Variants in CATSPERE observed in about 807,000 individuals in gnomAD.
CATSPERE encodes catsper channel auxiliary subunit epsilon, also known as cation channel sperm-associated auxiliary subunit epsilon.
A neutral mutation model predicts 114.1 loss-of-function variants in CATSPERE; 93 were observed. That is an observed-to-expected ratio of 0.81 (90% CI 0.69 to 0.97). The LOEUF (loss-of-function observed/expected upper bound fraction) is 0.97, where lower values mean the gene tolerates loss of function less well. Ranked by LOEUF, CATSPERE falls within the 50% of genes least tolerant of loss-of-function variation. The pLI, the probability that CATSPERE is intolerant of heterozygous loss-of-function variation, is 0.00. For synonymous variants in CATSPERE, 341 were observed against 384.1 expected, an observed-to-expected ratio of 0.89 and a Z score of 1.31; for missense variants, 1,058 against 1,131.6, an observed-to-expected ratio of 0.93 and a Z score of 0.93.
At chr1:244,516,797 C>T (rs1676719121) in intron 7 of CATSPERE, among the ~76,000 whole-genome samples, 1 of 152,084 alleles carries the variant, frequency 6.6e-6, no homozygotes, top group East Asian at 1.9e-4. Flanking sequence ...GCTGGGATTA[C>T]AGGCATTGAG....
chr1:244,457,047 G>A (rs1342616071), upstream of CATSPERE, among the ~76,000 whole-genome samples: 1 of 152,158 alleles, frequency 6.6e-6, no homozygotes, highest in Non-Finnish European at 1.5e-5. Flanking sequence ...AAACAGTAAC[G>A]GAACAAAACT....
At chr1:244,592,041 A>T (rs148687022) in intron 15 of CATSPERE, among the ~76,000 whole-genome samples, 38 of 152,114 alleles carry the variant, frequency 2.5e-4, no homozygotes, top group African/African-American at 7.2e-4. Context: ...TCCTTACATA[A>T]TTTTTCTCAA....
intron 8 of CATSPERE, among the ~76,000 whole-genome samples, chr1:244,550,378 A>G (rs1558477402): frequency 6.6e-6 from 1 of 152,240 alleles, no homozygotes; most frequent in Non-Finnish European, 1.5e-5. Context: ...AAAGCCAAAA[A>G]ATTTCTGAAA....
chr1:244,550,250 A>G (rs1332784701), intron 8 of CATSPERE, among the ~76,000 whole-genome samples: 3 of 152,190 alleles, frequency 2.0e-5, no homozygotes, highest in African/African-American at 7.2e-5. Flanking sequence ...GCAACCACTC[A>G]TAATAAATCT....
chr1:244,612,605 T>G (rs775172120), intron 19 of CATSPERE, among the ~76,000 whole-genome samples: 1 of 152,200 alleles, frequency 6.6e-6, no homozygotes. Context: ...CTGAAAATAC[T>G]AGACTGGGAA....
At chr1:244,541,975 G>A (rs1205640674) in intron 8 of CATSPERE, among the ~76,000 whole-genome samples, 9 of 138,960 alleles carry the variant, frequency 6.5e-5, no homozygotes, top group African/African-American at 2.2e-4. Context: ...CATGGACACA[G>A]GAAGGGGAAC....
intron 10 of CATSPERE, among the ~76,000 whole-genome samples, chr1:244,572,107 T>C (rs1315402693): frequency 6.6e-6 from 1 of 152,206 alleles, no homozygotes; most frequent in Non-Finnish European, 1.5e-5. Context: ...TGATGTTATA[T>C]AAGTGATATA....
intron 20 of CATSPERE, among the ~76,000 whole-genome samples, chr1:244,624,002 C>G (rs1229414170): frequency 3.3e-5 from 5 of 151,988 alleles, no homozygotes. Context: ...CACTCTGTCG[C>G]CCAGGCTGGA....
chr1:244,561,628 A>G (rs1662577746), intron 10 of CATSPERE, among the ~76,000 whole-genome samples: 1 of 152,140 alleles, frequency 6.6e-6, no homozygotes, highest in African/African-American at 2.4e-5. Flanking sequence ...ATGAAACAGG[A>G]TCATATGTGT....
intron 7 of CATSPERE, among the ~76,000 whole-genome samples, chr1:244,513,394 G>T (rs1203015515): frequency 1.3e-5 from 2 of 152,124 alleles, no homozygotes; most frequent in Admixed American, 6.5e-5. Context: ...AAGTGCCAGT[G>T]GTGTCAGGCA....
At chr1:244,624,262 C>G (rs143439568) in intron 20 of CATSPERE, among the ~76,000 whole-genome samples, 1 of 151,856 alleles carries the variant, frequency 6.6e-6, no homozygotes, top group Non-Finnish European at 1.5e-5. Flanking sequence ...TGAGCCACCA[C>G]GCCTGGCCGG....
At chr1:244,484,706 G>T (rs1048246693) in intron 5 of CATSPERE, among the ~76,000 whole-genome samples, 2 of 151,946 alleles carry the variant, frequency 1.3e-5, no homozygotes, top group African/African-American at 2.4e-5. Flanking sequence ...TATTTATTTG[G>T]ATTTATCCAC....
intron 11 of CATSPERE, among the ~76,000 whole-genome samples, chr1:244,580,151 C>G (rs1490553139): frequency 1.3e-5 from 2 of 151,704 alleles, no homozygotes; most frequent in East Asian, 3.9e-4. Context: ...ATTCTTGTAT[C>G]TCAGCCTCCC....
At position 244,512,124 on chromosome 1, in the gene CATSPERE, T is replaced by C. The variant is rs141565573; in HGVS notation, c.430-6468T>C. Among the ~76,000 whole-genome samples the C allele has an allele frequency of 2.8e-3, 426 of 152,310 alleles. 7 individuals are homozygous for C. The highest frequency in any genetic ancestry group is 9.8e-3 in the African/African-American group (408 of 41,562). On this transcript the variant is annotated intron_variant, in intron 7 of 21. Transcript: ENST00000366534. ...AGTTTTCAGCGATTATTTTGTAAAATAGCTTTTCTATGTGTTTGCCTGTCT... is the reference window on the plus strand; with the variant it reads ...AGTTTTCAGCGATTATTTTGTAAAACAGCTTTTCTATGTGTTTGCCTGTCT...
chr1:244,579,495 T>C (rs953351467), intron 11 of CATSPERE, among the ~76,000 whole-genome samples: 21 of 152,190 alleles, frequency 1.4e-4, no homozygotes, highest in Admixed American at 4.6e-4. Flanking sequence ...ATGGTTCAAC[T>C]GTGAGTTTTT....
rs539768015 is a variant in CATSPERE, at chr1:244,620,679, C to T, written c.2648+2993C>T. 1.1e-4 allele frequency among the ~76,000 whole-genome samples: 17 copies of T among 152,140 alleles called. No individual in the cohort carries two copies. The South Asian group carries it at 1.5e-3, about 13-fold the overall frequency. On this transcript the variant is annotated intron_variant, in intron 20 of 21. Transcript: ENST00000366534. ...GTGTTCAGGGGAAACCTTTCCTGTA[C>T]AGTACGTTTAACACACATACACCTT...
intron 7 of CATSPERE, among the ~76,000 whole-genome samples, chr1:244,513,408 C>T (rs899285209): frequency 2.0e-5 from 3 of 152,098 alleles, no homozygotes; most frequent in Non-Finnish European, 4.4e-5. Context: ...TCAGGCAGGG[C>T]AGAACAATCC....
At chr1:244,531,705 C>T (rs1679629960) in intron 8 of CATSPERE, among the ~76,000 whole-genome samples, 1 of 152,118 alleles carries the variant, frequency 6.6e-6, no homozygotes, top group South Asian at 2.1e-4. Flanking sequence ...AATGATATTT[C>T]TAATCTGTCA....
At chr1:244,613,324 T>A (rs74152139) in intron 19 of CATSPERE, among the ~76,000 whole-genome samples, 5,818 of 152,294 alleles carry the variant, frequency 0.038, 355 homozygotes, top group African/African-American at 0.13. Context: ...TTATTTTTCA[T>A]TAACCCAACA....
Sources: gnomAD v4.1 joint callset for allele counts (sites outside exome capture counted in the v4.1 genomes callset) on GRCh38, gnomAD v4.1.1 for gene constraint, MANE v1.5 for transcripts, NCBI Gene and HGNC (gene_info 2026-07-23, HGNC 2026-07-21) for gene names.